The following PTCH1 variants were observed in gnomAD, a reference collection of about 807,000 sequenced individuals.
The protein encoded by PTCH1 is patched 1, also known as protein patched homolog 1.
A neutral mutation model predicts 144.6 loss-of-function variants in PTCH1; 14 were observed. The ratio of observed to expected loss-of-function variants is 0.10; its 90% CI spans 0.06 to 0.15. The LOEUF (loss-of-function observed/expected upper bound fraction) is 0.15, where lower values mean the gene tolerates loss of function less well. Ranked by LOEUF, PTCH1 falls within the 10% of genes least tolerant of loss-of-function variation. The pLI is 1.00. For synonymous variants in PTCH1, 833 were observed against 793.6 expected (o/e 1.05, Z -0.83); for missense variants, 1,623 against 1,948.3 (o/e 0.83, Z 3.14).
At position 95,443,729 on chromosome 9, in the gene PTCH1, TTGA is replaced by T. The variant is rs1837653588; in HGVS notation, c.*2661_*2663del. 6.6e-6 allele frequency: 1 copy of T among 152,664 alleles called. No homozygotes were observed. The highest frequency in any genetic ancestry group is 2.4e-5 in the African/African-American group (1 of 41,456). The allele number at this position is 152,664 out of a possible 1,614,324, so 9.5% of individuals were successfully genotyped here. Reference sequence around the variant, plus strand: ...TAAAAATATACTTCTGTCAAAAGACTTGATGACTACTATGTACACTACAAAAAT... The same window carrying T: ...TAAAAATATACTTCTGTCAAAAGACTTGACTACTATGTACACTACAAAAAT... On this transcript the variant is annotated 3_prime_UTR_variant, in exon 24 of 24. Coordinates refer to ENST00000331920, the MANE Select transcript of PTCH1 (RefSeq NM_000264.5).
At chr9:95,490,193 G>A (rs1842281079) in intron 2 of PTCH1, among the ~76,000 whole-genome samples, 1 of 151,462 alleles carries the variant, frequency 6.6e-6, no homozygotes, top group African/African-American at 2.4e-5. Context: ...AGCTTCTATG[G>A]TTGGACATGG....
chr9:95,480,875 A>G (rs189694211), intron 5 of PTCH1, among the ~76,000 whole-genome samples: 3 of 152,028 alleles, frequency 2.0e-5, no homozygotes, highest in African/African-American at 7.2e-5. Flanking sequence ...ATCTACATAC[A>G]AAATTAGCCA....
At chr9:95,516,797 C>CCTGTTT in exon 1 of PTCH1, 2 of 1,611,760 alleles carry the variant, frequency 1.2e-6, no homozygotes, top group African/African-American at 1.3e-5. Context: ...CAATTACAAG[C>CCTGTTT]CTGTTTCTAT....
rs56021411 is a variant in PTCH1 at position 95,449,438 on chromosome 9, C to A, written c.3550-115G>T. ...CTCTGTTCCCTGCCCTGGGGCCCTGCGCACTGTGCCGTATTAACCTCCCCT... is the reference window on the plus strand; with the variant it reads ...CTCTGTTCCCTGCCCTGGGGCCCTGAGCACTGTGCCGTATTAACCTCCCCT... On this transcript the variant is annotated intron_variant, in intron 21 of 23. Transcript: ENST00000331920. The surrounding 1 kb of genome is among the most constrained non-coding windows in gnomAD (Gnocchi z 5.3). 1,087 of 1,415,154 alleles carry A rather than the reference C, an allele frequency of 7.7e-4. 10 individuals are homozygous for A. The African/African-American group carries it at 0.014, about 18-fold the overall frequency. 87.7% of individuals were successfully genotyped at this position (1,415,154 alleles called of 1,614,324 possible).
chr9:95,477,521 C>G, intron 10 of PTCH1, 26 bp downstream of exon 10: 1 of 1,614,060 alleles, frequency 6.2e-7, no homozygotes, highest in African/African-American at 1.3e-5. Flanking sequence ...TGTCAACGGA[C>G]AGCAGATAAA....
Position 95,508,333 on chromosome 9 carries a change from G to C in PTCH1, c.29C>G (p.Pro10Arg), listed in dbSNP as rs1046883730. The C allele has an allele frequency of 1.6e-6, 2 of 1,274,606 alleles. No homozygotes were observed. Among genetic ancestry groups the C allele is most frequent in the East Asian group, 6.4e-5 (2 of 31,072 alleles). 79.0% of individuals were successfully genotyped at this position (1,274,606 alleles called of 1,614,324 possible). ...GCTGCCGCCGCCGCCGCGGTCCTGG[G>C]GCTCGGCGGCGTTACCAGCCGAGGC... MASAGNAAE[P>R]QDRGGGGSGC... Residue 10 changes from proline to arginine, a missense_variant, in exon 1 of 24, where the codon CCC becomes CGC. By Grantham distance (103) the Pro-to-Arg change is moderately radical (BLOSUM62 -2). Around this residue, in one of 7 missense-constraint regions of PTCH1, gnomAD observed 245 missense variants for 240.6 expected, o/e 1.02. Coordinates refer to ENST00000331920, the MANE Select transcript of PTCH1 (RefSeq NM_000264.5).
rs1053198402 is a variant in PTCH1, at chr9:95,508,728, G to T, written c.-367C>A. On this transcript the variant is annotated 5_prime_UTR_variant, in exon 1 of 24. Coordinates refer to ENST00000331920, the MANE Select transcript of PTCH1 (RefSeq NM_000264.5). The stretch of plus-strand genomic sequence containing the variant: ...CGGGCGCTTCCGCGGCACTCCTTGC[G>T]GTCCCCAACTCCCCCTACCCGCCCC... The T allele has an allele frequency of 6.8e-5, 67 of 986,192 alleles. No homozygotes were observed. The highest frequency in any genetic ancestry group is 7.8e-5 in the Non-Finnish European group (65 of 830,692). 61.1% of individuals were successfully genotyped at this position (986,192 alleles called of 1,614,324 possible). A position where few individuals can be genotyped will look rare whatever the true frequency, so the allele number is the denominator to read the frequency against.
At chr9:95,466,996 G>T in intron 15 of PTCH1, 120 bp downstream of exon 15, 1 of 1,134,518 alleles carries the variant, frequency 8.8e-7, no homozygotes. Flanking sequence ...ACTCTTAAAA[G>T]TCCATGAAAC....
intron 19 of PTCH1, among the ~76,000 whole-genome samples, chr9:95,455,003 C>A (rs992585238): frequency 3.3e-5 from 5 of 152,204 alleles, no homozygotes; most frequent in African/African-American, 1.2e-4. Flanking sequence ...AACTCACATG[C>A]AAATTTATCT....
chr9:95,458,252 A>G lies in PTCH1; in HGVS notation c.2929T>C (p.Tyr977His), dbSNP rs587780700. The change falls in exon 18 of 24, where the codon TAC becomes CAC. Residue 977 changes from tyrosine (Y) to histidine (H), a missense_variant. Physicochemically the swap from Tyr to His is moderately conservative, Grantham distance 83. Transcript: ENST00000331920. The surrounding 1 kb of genome is among the most constrained non-coding windows in gnomAD (Gnocchi z 4.7). The part of the protein sequence containing the change: ...EPIEYAQFPF[Y>H]LNGLRDTSDF... Reference sequence around the variant, plus strand: ...GAGGTGTCCCGCAAGCCGTTGAGGTAGAAAGGGAACTGGGCATACTCGATG... The same window carrying G: ...GAGGTGTCCCGCAAGCCGTTGAGGTGGAAAGGGAACTGGGCATACTCGATG... 7 of 1,614,096 alleles carry G rather than the reference A, an allele frequency of 4.3e-6. No individual in the cohort carries two copies. The South Asian group carries it at 5.5e-5, about 13-fold the overall frequency.
intron 2 of PTCH1, among the ~76,000 whole-genome samples, chr9:95,504,779 C>A (rs538386494): frequency 1.3e-5 from 2 of 152,152 alleles, no homozygotes; most frequent in African/African-American, 4.8e-5. Context: ...CCTCTTGTAA[C>A]TTTCACAGCC....
chr9:95,476,879 G>A lies in PTCH1; in HGVS notation c.1504-22C>T, dbSNP rs189171519. On this transcript the variant is annotated intron_variant, in intron 10 of 23. Transcript: ENST00000331920. The surrounding 1 kb of genome is among the most constrained non-coding windows in gnomAD (Gnocchi z 4.6). ...AAACCTACAGCAAAAACAGAGGATG[G>A]TGGCATTAGACATGCGAGATGCAAT... 1 of 1,605,510 alleles carries A rather than the reference G, an allele frequency of 6.2e-7. No individual in the cohort carries two copies. The highest frequency in any genetic ancestry group is 1.1e-5 in the South Asian group (1 of 90,480).
At chr9:95,499,389 G>A (rs906521187) in intron 2 of PTCH1, among the ~76,000 whole-genome samples, 1 of 149,666 alleles carries the variant, frequency 6.7e-6, no homozygotes, top group African/African-American at 2.5e-5. Flanking sequence ...CTTAGGTTGT[G>A]ATTAGCCAGA....
chr9:95,474,336 TG>T (rs993354541), intron 12 of PTCH1, among the ~76,000 whole-genome samples: 9 of 152,018 alleles, frequency 5.9e-5, no homozygotes. Context: ...GAAATGAGAC[TG>T]GGGTACCACA....
chr9:95,501,967 C>G (rs546101358), intron 2 of PTCH1, among the ~76,000 whole-genome samples: 170 of 152,248 alleles, frequency 1.1e-3, no homozygotes, highest in Admixed American at 2.4e-3. Flanking sequence ...TGAGCACACT[C>G]GTGAGACAGG....
intron 18 of PTCH1, 127 bp from the exon 19 acceptor site, chr9:95,456,540 T>A: frequency 7.7e-7 from 1 of 1,297,048 alleles, no homozygotes; most frequent in Non-Finnish European, 1.1e-6. Context: ...TGACTTGCTT[T>A]AACTCTGGAC....
rs144798919 is a variant in PTCH1 at position 95,465,479 on chromosome 9, C to T, written c.2560+1637G>A. ...AAAAATAAAACTTGGAACAAATTCA[C>T]GTTCGTCTCAGGAGGGTGTTAATAA... is the stretch of plus-strand genomic sequence containing the variant. On this transcript the variant is annotated intron_variant, in intron 15 of 23. Coordinates refer to ENST00000331920, the MANE Select transcript of PTCH1 (RefSeq NM_000264.5). Among the ~76,000 whole-genome samples the T allele has an allele frequency of 3.7e-3, 564 of 152,302 alleles. 4 individuals carry two copies. The highest frequency in any genetic ancestry group is 0.013 in the African/African-American group (544 of 41,556).
chr9:95,500,866 A>G (rs905191949), intron 2 of PTCH1, among the ~76,000 whole-genome samples: 1 of 152,248 alleles, frequency 6.6e-6, no homozygotes, highest in Admixed American at 6.5e-5. Flanking sequence ...AGGTGCAACC[A>G]GTCTTTCTGC....
At chr9:95,479,939 G>A (rs1841392431) in intron 7 of PTCH1, 30 bp downstream of exon 7, 3 of 1,613,986 alleles carry the variant, frequency 1.9e-6, no homozygotes, top group Non-Finnish European at 1.7e-6. Context: ...AAGACTACAG[G>A]GCATAGATTG....
Sources: gnomAD v4.1 joint callset for allele counts (sites outside exome capture counted in the v4.1 genomes callset) on GRCh38, gnomAD v4.1.1 for gene constraint, gnomAD v4.1.1 regional missense constraint, Gnocchi (gnomAD v3.1) non-coding constraint, MANE v1.5 for transcripts, NCBI Gene and HGNC (gene_info 2026-07-23, HGNC 2026-07-21) for gene names.